ATXN7L1: variants seen among roughly 807,000 people sequenced by gnomAD.
ATXN7L1 encodes ataxin-7-like protein 1.
A neutral mutation model predicts 70.8 loss-of-function variants in ATXN7L1; 15 were observed. The observed-to-expected ratio is 0.21, with a 90% CI of 0.14 to 0.33. The LOEUF (loss-of-function observed/expected upper bound fraction) is 0.33, where lower values mean the gene tolerates loss of function less well. Ranked by LOEUF, ATXN7L1 falls within the 10% of genes least tolerant of loss-of-function variation. The probability of loss-of-function intolerance (pLI) is 1.00; values close to 1 mark genes in which losing one functional copy is unlikely to be tolerated. For missense variants in ATXN7L1, 975 were observed against 1,097.1 expected, an observed-to-expected ratio of 0.89 and a Z score of 1.57; for synonymous variants, 440 against 445.1, an observed-to-expected ratio of 0.99 and a Z score of 0.14.
chr7:105,616,009 T>C (rs892145208), intron 9 of ATXN7L1, among the ~76,000 whole-genome samples: 5 of 152,230 alleles, frequency 3.3e-5, no homozygotes, highest in African/African-American at 1.2e-4. Flanking sequence ...TTCGTGATTT[T>C]GCAGGAAAGC....
intron 3 of ATXN7L1, among the ~76,000 whole-genome samples, chr7:105,745,945 C>G (rs1798538351): frequency 6.6e-6 from 1 of 152,228 alleles, no homozygotes; most frequent in Non-Finnish European, 1.5e-5. Context: ...GCACCTCTAA[C>G]ATAACATGTC....
At chr7:105,645,232 A>C (rs1270981414) in intron 4 of ATXN7L1, among the ~76,000 whole-genome samples, 1 of 152,198 alleles carries the variant, frequency 6.6e-6, no homozygotes, top group African/African-American at 2.4e-5. Flanking sequence ...TACATTAAAA[A>C]CGGTTAATAT....
chr7:105,657,376 C>A (rs1268497214), intron 4 of ATXN7L1, among the ~76,000 whole-genome samples: 1 of 152,054 alleles, frequency 6.6e-6, no homozygotes, highest in Non-Finnish European at 1.5e-5. Context: ...TGTCTAGATC[C>A]AGCAGCCACT....
At chr7:105,850,430 GCATTTCCCATGGGC>G (rs575886268) in intron 2 of ATXN7L1, among the ~76,000 whole-genome samples, 29 of 152,348 alleles carry the variant, frequency 1.9e-4, no homozygotes, top group African/African-American at 6.7e-4. Context: ...TGTTCACTGC[GCATTTCCCATGGGC>G]CATGCATTGA....
At chr7:105,694,406 G>A (rs1791442904) in intron 3 of ATXN7L1, among the ~76,000 whole-genome samples, 1 of 152,150 alleles carries the variant, frequency 6.6e-6, no homozygotes, top group African/African-American at 2.4e-5. Context: ...GTAGCCCCAG[G>A]ATTTCTGTGG....
intron 3 of ATXN7L1, among the ~76,000 whole-genome samples, chr7:105,687,750 G>A (rs1158847697): frequency 6.6e-6 from 1 of 152,190 alleles, no homozygotes; most frequent in African/African-American, 2.4e-5. Context: ...CCTAGGTGCA[G>A]CTCGGATGCA....
intron 2 of ATXN7L1, among the ~76,000 whole-genome samples, chr7:105,856,038 C>T (rs1585163421): frequency 6.6e-6 from 1 of 152,140 alleles, no homozygotes; most frequent in Admixed American, 6.5e-5. Context: ...AGGACATATT[C>T]TTTTAGTACT....
chr7:105,687,174 C>T (rs1484541936), intron 3 of ATXN7L1, among the ~76,000 whole-genome samples: 3 of 152,128 alleles, frequency 2.0e-5, no homozygotes, highest in African/African-American at 4.8e-5. Context: ...ACAGAGATGG[C>T]GCCTGGTTCT....
chr7:105,804,174 T>C (rs1371918331), intron 2 of ATXN7L1, among the ~76,000 whole-genome samples: 2 of 152,174 alleles, frequency 1.3e-5, no homozygotes, highest in Non-Finnish European at 2.9e-5. Flanking sequence ...GTCAGGTCCC[T>C]CAGGGTGTCT....
chr7:105,663,838 T>C (rs899651248), intron 4 of ATXN7L1, among the ~76,000 whole-genome samples: 5 of 152,196 alleles, frequency 3.3e-5, no homozygotes, highest in Admixed American at 6.5e-5. Flanking sequence ...CAATCTCGGC[T>C]CGCTGCAACC....
chr7:105,692,911 A>G (rs1386169293), intron 3 of ATXN7L1, among the ~76,000 whole-genome samples: 2 of 151,394 alleles, frequency 1.3e-5, no homozygotes, highest in African/African-American at 2.4e-5. Flanking sequence ...TTTTGTAGAC[A>G]CGGAGTCTTG....
intron 3 of ATXN7L1, among the ~76,000 whole-genome samples, chr7:105,731,434 C>CCT (rs1554443568): frequency 7.4e-6 from 1 of 134,284 alleles, no homozygotes; most frequent in African/African-American, 2.7e-5. Context: ...CTTCTTACTC[C>CCT]TTTTTTTTTT....
chr7:105,748,620 T>C (rs1262698250), intron 3 of ATXN7L1, among the ~76,000 whole-genome samples: 3 of 152,188 alleles, frequency 2.0e-5, no homozygotes, highest in Admixed American at 6.5e-5. Context: ...TACCTGGGCC[T>C]GGGTATGACT....
intron 7 of ATXN7L1, among the ~76,000 whole-genome samples, chr7:105,629,978 T>C (rs1796349643): frequency 6.6e-6 from 1 of 151,978 alleles, no homozygotes; most frequent in Non-Finnish European, 1.5e-5. Flanking sequence ...CCACCACACC[T>C]GGCTAATTTT....
intron 2 of ATXN7L1, among the ~76,000 whole-genome samples, chr7:105,833,564 A>C (rs1274443625): frequency 1.3e-5 from 2 of 152,182 alleles, no homozygotes; most frequent in East Asian, 1.9e-4. Flanking sequence ...TAGTAGTAAA[A>C]ATAATTGGTA....
intron 2 of ATXN7L1, among the ~76,000 whole-genome samples, chr7:105,860,005 A>G (rs2116651746): frequency 6.7e-6 from 1 of 148,510 alleles, no homozygotes; most frequent in East Asian, 2.0e-4. Context: ...CTGGTCTCGA[A>G]CTCCTGACTC....
intron 2 of ATXN7L1, among the ~76,000 whole-genome samples, chr7:105,866,561 A>T (rs536533642): frequency 1.2e-4 from 19 of 152,296 alleles, no homozygotes; most frequent in African/African-American, 4.6e-4. Context: ...GGATTTCCTG[A>T]GGTTTCATCA....
chr7:105,635,086 A>G (rs1797163309), intron 7 of ATXN7L1, among the ~76,000 whole-genome samples: 1 of 152,170 alleles, frequency 6.6e-6, no homozygotes, highest in South Asian at 2.1e-4. Context: ...AAGATTAGCT[A>G]AGTTTGCCCT....
At chr7:105,837,860 G>T (rs1307612462) in intron 2 of ATXN7L1, among the ~76,000 whole-genome samples, 3 of 152,088 alleles carry the variant, frequency 2.0e-5, no homozygotes, top group Admixed American at 2.0e-4. Context: ...GGACCTCTGG[G>T]GACGTTTGCC....
Sources: gnomAD v4.1 joint callset for allele counts (sites outside exome capture counted in the v4.1 genomes callset) on GRCh38, gnomAD v4.1.1 for gene constraint, MANE v1.5 for transcripts, NCBI Gene and HGNC (gene_info 2026-07-23, HGNC 2026-07-21) for gene names.